The following RPTOR variants were observed in gnomAD, a reference collection of about 807,000 sequenced individuals.
RPTOR encodes the protein regulatory-associated protein of mTOR.
In RPTOR, 21 loss-of-function variants were observed where a neutral mutation model predicts 169.9. That is an observed-to-expected ratio of 0.12 (90% confidence interval 0.09 to 0.18). RPTOR has a LOEUF of 0.18. Ranked by LOEUF, RPTOR falls within the 10% of genes least tolerant of loss-of-function variation. The pLI is 1.00. For synonymous variants in RPTOR, 732 were observed against 753.2 expected, an observed-to-expected ratio of 0.97 and a Z score of 0.46; for missense variants, 1,133 against 1,855.9, an observed-to-expected ratio of 0.61 and a Z score of 7.16.
At chr17:80,620,886 T>G (rs1472200994) in intron 1 of RPTOR, among the ~76,000 whole-genome samples, 3 of 152,224 alleles carry the variant, frequency 2.0e-5, no homozygotes, top group African/African-American at 7.2e-5. Flanking sequence ...TTTTGCCCAG[T>G]TTTGGAGTTA....
rs1415718905 is a variant in RPTOR at position 80,754,199 on chromosome 17, G to A, written c.830+14G>A. On this transcript the variant is annotated intron_variant, in intron 6 of 33. Transcript: ENST00000306801. The surrounding 1 kb of genome is among the most constrained non-coding windows in gnomAD (Gnocchi z 4.2). The stretch of plus-strand genomic sequence containing the variant: ...CGCCCTGCGCTGGTGAGTGGCCCCT[G>A]CTGTGCCCCTGGGACCCACTCAACT... The A allele has an allele frequency of 1.3e-6, 2 of 1,582,122 alleles. No individual in the cohort carries two copies. Among genetic ancestry groups the A allele is most frequent in the Admixed American group, 1.7e-5 (1 of 58,746 alleles).
intron 6 of RPTOR, among the ~76,000 whole-genome samples, chr17:80,767,201 C>A (rs2066796539): frequency 1.3e-5 from 2 of 152,114 alleles, no homozygotes; most frequent in African/African-American, 4.8e-5. Context: ...AGCAAAACCC[C>A]ATCTCTACAA....
Position 80,609,917 on chromosome 17 carries a change from T to G in RPTOR, c.163-15774T>G, listed in dbSNP as rs1156911702. 6.6e-6 allele frequency among the ~76,000 whole-genome samples: 1 copy of G among 151,920 alleles called. No individual in the cohort carries two copies. Among genetic ancestry groups the G allele is most frequent in the African/African-American group, 2.4e-5 (1 of 41,350 alleles). ...GCCAATTGAAAAGTGTAGGCCAGGGTGTAGATAGCACATTCCCCTGCAGTG... is the reference window on the plus strand; with the variant it reads ...GCCAATTGAAAAGTGTAGGCCAGGGGGTAGATAGCACATTCCCCTGCAGTG... On this transcript the variant is annotated intron_variant, in intron 1 of 33. Coordinates refer to ENST00000306801, the MANE Select transcript of RPTOR (RefSeq NM_020761.3). This position sits in a 1 kb window ranked among gnomAD's most constrained non-coding sequence, Gnocchi z 4.8.
intron 1 of RPTOR, among the ~76,000 whole-genome samples, chr17:80,595,045 G>C (rs2065135042): frequency 6.6e-6 from 1 of 152,156 alleles, no homozygotes; most frequent in African/African-American, 2.4e-5. Context: ...GGGAGAGAGA[G>C]AGAGAGAGGG....
At position 80,860,255 on chromosome 17, in the gene RPTOR, G is replaced by A. The variant is rs147486428; in HGVS notation, c.1509+2355G>A. Among the ~76,000 whole-genome samples, 378 of 152,368 alleles carry A rather than the reference G, an allele frequency of 2.5e-3. 2 individuals carry two copies. The highest frequency in any genetic ancestry group is 8.6e-3 in the African/African-American group (358 of 41,600). On this transcript the variant is annotated intron_variant, in intron 13 of 33. Coordinates refer to ENST00000306801, the MANE Select transcript of RPTOR (RefSeq NM_020761.3). This position sits in a 1 kb window ranked among gnomAD's most constrained non-coding sequence, Gnocchi z 5.8. ...ACCAGGACCTGCTGTGCTCGCTGAA[G>A]CTGCCCTGTTGGGCTTTGTTCAGCC... is the stretch of plus-strand genomic sequence containing the variant.
chr17:80,700,914 G>A (rs937617630), intron 3 of RPTOR, among the ~76,000 whole-genome samples: 1 of 151,940 alleles, frequency 6.6e-6, no homozygotes, highest in Non-Finnish European at 1.5e-5. Flanking sequence ...GATAGAAAGA[G>A]GTGGATGGAC....
At chr17:80,939,377 A>ACACG (rs1265452344) in intron 24 of RPTOR, among the ~76,000 whole-genome samples, 1 of 152,246 alleles carries the variant, frequency 6.6e-6, no homozygotes, top group Non-Finnish European at 1.5e-5. Flanking sequence ...GCACTCGCAC[A>ACACG]CACGCACACA....
chr17:80,692,377 A>G (rs2066000694), intron 3 of RPTOR, among the ~76,000 whole-genome samples: 1 of 152,176 alleles, frequency 6.6e-6, no homozygotes, highest in Non-Finnish European at 1.5e-5. Context: ...GCTGGAGCGC[A>G]GTGGCATGAT....
chr17:80,711,744 C>CTTTTTTTTTTTTTTTT lies in RPTOR; in HGVS notation c.507+3746_507+3761dup, dbSNP rs1226456124. 9.0e-3 allele frequency among the ~76,000 whole-genome samples: 798 copies of CTTTTTTTTTTTTTTTT among 88,666 alleles called. 102 individuals carry two copies. The highest frequency in any genetic ancestry group is 0.015 in the East Asian group (47 of 3,146). 58.2% of individuals were successfully genotyped at this position (88,666 alleles called of 152,430 possible). ...AGTTAACATATAGTTATACATCAGT[C>CTTTTTTTTTTTTTTTT]TTTTTTTTTTTTTTTTGAGGTTAAG... is the stretch of plus-strand genomic sequence containing the variant. On this transcript the variant is annotated intron_variant, in intron 4 of 33. Transcript: ENST00000306801.
At chr17:80,605,460 A>G (rs1301420629) in intron 1 of RPTOR, among the ~76,000 whole-genome samples, 1 of 152,222 alleles carries the variant, frequency 6.6e-6, no homozygotes, top group Non-Finnish European at 1.5e-5. Flanking sequence ...GAGCCTGCGC[A>G]GGGTTTTTCC....
At chr17:80,892,173 C>T (rs949786867) in intron 18 of RPTOR, among the ~76,000 whole-genome samples, 4 of 152,184 alleles carry the variant, frequency 2.6e-5, no homozygotes, top group African/African-American at 9.7e-5. Context: ...CATCACACTG[C>T]TCTTGGCTCC....
At chr17:80,917,116 ATT>A (rs35518986) in intron 21 of RPTOR, among the ~76,000 whole-genome samples, 1 of 144,886 alleles carries the variant, frequency 6.9e-6, no homozygotes, top group African/African-American at 2.6e-5. Flanking sequence ...GATAGGTTTC[ATT>A]TTTTTTTTTT....
intron 3 of RPTOR, among the ~76,000 whole-genome samples, chr17:80,684,306 G>C (rs1311814204): frequency 6.6e-6 from 1 of 151,314 alleles, no homozygotes; most frequent in East Asian, 1.9e-4. Flanking sequence ...TAAAGCTAGA[G>C]TCATGTCATC....
At chr17:80,552,657 G>A (rs2084359645) in intron 1 of RPTOR, among the ~76,000 whole-genome samples, 1 of 152,158 alleles carries the variant, frequency 6.6e-6, no homozygotes, top group African/African-American at 2.4e-5. Context: ...TTATCTTTAA[G>A]GCTCAACAGC....
intron 13 of RPTOR, among the ~76,000 whole-genome samples, chr17:80,873,839 ACTCAGCGTGGC>A (rs989601660): frequency 1.3e-5 from 2 of 152,140 alleles, no homozygotes; most frequent in African/African-American, 4.8e-5. Context: ...GCTTACCATG[ACTCAGCGTGGC>A]CTCAGGGACA....
chr17:80,594,188 G>A (rs911020415), intron 1 of RPTOR, among the ~76,000 whole-genome samples: 1 of 152,120 alleles, frequency 6.6e-6, no homozygotes, highest in Non-Finnish European at 1.5e-5. Context: ...CTGCCTCCTG[G>A]GTTCAAGCCA....
chr17:80,613,749 G>T (rs1041106755), intron 1 of RPTOR, among the ~76,000 whole-genome samples: 1 of 151,776 alleles, frequency 6.6e-6, no homozygotes. Context: ...GTGGACACAG[G>T]TGCTCTCTAT....
intron 1 of RPTOR, among the ~76,000 whole-genome samples, chr17:80,606,881 C>T (rs1182598121): frequency 2.6e-5 from 4 of 152,152 alleles, no homozygotes; most frequent in African/African-American, 9.7e-5. Flanking sequence ...TACCTCTTAG[C>T]AATCAGCAGG....
intron 3 of RPTOR, among the ~76,000 whole-genome samples, chr17:80,687,534 C>G (rs898336138): frequency 6.6e-6 from 1 of 152,254 alleles, no homozygotes; most frequent in African/African-American, 2.4e-5. Flanking sequence ...GTGAGTGGGT[C>G]TCCCCTGCCT....
Sources: gnomAD v4.1 joint callset for allele counts (sites outside exome capture counted in the v4.1 genomes callset) on GRCh38, gnomAD v4.1.1 for gene constraint, Gnocchi (gnomAD v3.1) non-coding constraint, MANE v1.5 for transcripts, NCBI Gene and HGNC (gene_info 2026-07-23, HGNC 2026-07-21) for gene names.